The following SYNE1 variants were observed in gnomAD, a reference collection of about 807,000 sequenced individuals.
SYNE1 encodes spectrin repeat containing nuclear envelope protein 1, also known as nesprin-1.
A neutral mutation model predicts 1,111.0 loss-of-function variants in SYNE1; 616 were observed. The observed-to-expected ratio is 0.55, with a 90% CI of 0.52 to 0.59. The LOEUF (loss-of-function observed/expected upper bound fraction) is 0.59. Ranked by LOEUF, SYNE1 falls within the 20% of genes least tolerant of loss-of-function variation. The probability of loss-of-function intolerance (pLI) is 0.00; values close to 1 mark genes in which losing one functional copy is unlikely to be tolerated. For synonymous variants in SYNE1, 3,855 were observed against 3,825.8 expected, an observed-to-expected ratio of 1.01 and a Z score of -0.28; for missense variants, 10,006 against 10,417.0, an observed-to-expected ratio of 0.96 and a Z score of 1.72.
At chr6:152,614,127 T>C (rs1215454094) in intron 3 of SYNE1, among the ~76,000 whole-genome samples, 1 of 152,052 alleles carries the variant, frequency 6.6e-6, no homozygotes, top group Non-Finnish European at 1.5e-5. Context: ...AAAGCCAAAA[T>C]AGACAAATGG....
rs1171123666 is a variant in SYNE1 at position 152,143,780 on chromosome 6, A to G, written c.24977-15T>C. The G allele has an allele frequency of 8.1e-6, 13 of 1,614,208 alleles. No homozygotes were observed. The highest frequency in any genetic ancestry group is 2.2e-5 in the East Asian group (1 of 44,886). ...ACTGTGGTCCCCTGCGGTGGCAACCATAAGAATCTTTACTGGACAAACTAT... is the reference window on the plus strand; with the variant it reads ...ACTGTGGTCCCCTGCGGTGGCAACCGTAAGAATCTTTACTGGACAAACTAT... On this transcript the variant is annotated splice_polypyrimidine_tract_variant and intron_variant, in intron 137 of 145. Transcript: ENST00000367255.
intron 24 of SYNE1, among the ~76,000 whole-genome samples, chr6:152,453,964 A>T (rs1371689969): frequency 6.6e-6 from 1 of 152,208 alleles, no homozygotes. Context: ...TGTGATTTTC[A>T]AATTTGGTAG....
At chr6:152,458,479 T>C (rs1270325038) in intron 22 of SYNE1, among the ~76,000 whole-genome samples, 1 of 152,212 alleles carries the variant, frequency 6.6e-6, no homozygotes, top group African/African-American at 2.4e-5. Context: ...TTTCTAACTT[T>C]GCTCAACTCA....
At chr6:152,444,389 T>C (rs767990243) in intron 30 of SYNE1, 22 bp downstream of exon 30, 1 of 1,612,592 alleles carries the variant, frequency 6.2e-7, no homozygotes. Flanking sequence ...ATAATCTTGT[T>C]GGAAGAAAGA....
chr6:152,225,659 C>T lies in SYNE1; in HGVS notation c.21351+62G>A, dbSNP rs531520025. 2.5e-6 allele frequency: 4 copies of T among 1,608,236 alleles called. No homozygotes were observed. In the African/African-American group the frequency reaches 5.3e-5, roughly 21 times the overall value. On this transcript the variant is annotated intron_variant, in intron 116 of 145. Transcript: ENST00000367255. ...TCTGCTACTTTAGGAAAACCAAAACCCAGAGTTTGGACAGAGCTGGCAAAC... is the reference window on the plus strand; with the variant it reads ...TCTGCTACTTTAGGAAAACCAAAACTCAGAGTTTGGACAGAGCTGGCAAAC...
rs767124352 is a variant in SYNE1, at chr6:152,505,317, C to T, written c.662G>A (p.Arg221Gln). ...TGTCTCCAAGTCCACCAATTCCGGT[C>T]GAATGGCATGAATAACTGAATGAAA... is the stretch of plus-strand genomic sequence containing the variant. Reference protein sequence around the residue: ...VAFHSVIHAIRPELVDLETVK... With the variant: ...VAFHSVIHAIQPELVDLETVK... Residue 221 changes from arginine to glutamine, a missense_variant, in exon 9 of 146, where the codon CGA (arginine) becomes CAA (glutamine). Arg to Gln is a conservative substitution (Grantham distance 43). Coordinates refer to ENST00000367255, the MANE Select transcript of SYNE1 (RefSeq NM_182961.4). 1.7e-5 allele frequency: 28 copies of T among 1,613,928 alleles called. No homozygotes were observed. The highest frequency in any genetic ancestry group is 1.6e-4 in the Middle Eastern group (1 of 6,084).
At position 152,309,876 on chromosome 6, in the gene SYNE1, G is replaced by A. The variant is rs138941941; in HGVS notation, c.17161C>T (p.Arg5721Trp). 23 of 1,614,012 alleles carry A rather than the reference G, an allele frequency of 1.4e-5. No individual in the cohort carries two copies. Among genetic ancestry groups the A allele is most frequent in the African/African-American group, 9.3e-5 (7 of 75,038 alleles). The change falls in exon 90 of 146, where the codon CGG becomes TGG. Residue 5721 changes from arginine (R) to tryptophan (W), a missense_variant. Physicochemically the swap from Arg to Trp is moderately radical, Grantham distance 101. This residue lies in a region of SYNE1 where 4,955 missense variants were observed against 5,017.2 expected (regional missense o/e 0.99). Transcript: ENST00000367255. ...TGCTGGATGGCGGTGTGCTGCAGCC[G>A]GCTGGCCTCTTCCTGCAGCCGCAGA... is the stretch of plus-strand genomic sequence containing the variant. ...AALRLQEEAS[R>W]LQHTAIQQCN...
rs570242828 is a variant in SYNE1 at position 152,455,509 on chromosome 6, C to T, written c.2809G>A (p.Ala937Thr). ...ATCCGCAGTACCTTCTCCAACTCTGCTCGAGACTCCTCAAACTTCTTCATC... is the reference window on the plus strand; with the variant it reads ...ATCCGCAGTACCTTCTCCAACTCTGTTCGAGACTCCTCAAACTTCTTCATC... Reference protein sequence around the residue: ...RLMKKFEESRAELEKVLRIAQ... With the variant: ...RLMKKFEESRTELEKVLRIAQ... The change falls in exon 24 of 146, where the codon GCA (alanine) becomes ACA (threonine). Residue 937 changes from alanine (A) to threonine (T), a missense_variant. This residue lies in a region of SYNE1 where 1,971 missense variants were observed against 2,084.1 expected (regional missense o/e 0.95). Coordinates refer to ENST00000367255, the MANE Select transcript of SYNE1 (RefSeq NM_182961.4). 37 of 1,614,178 alleles carry T rather than the reference C, an allele frequency of 2.3e-5. No homozygotes were observed. The East Asian group carries it at 7.8e-4, about 34-fold the overall frequency.
At chr6:152,459,770 T>A (rs1452314465) in intron 21 of SYNE1, among the ~76,000 whole-genome samples, 1 of 152,204 alleles carries the variant, frequency 6.6e-6, no homozygotes, top group African/African-American at 2.4e-5. Flanking sequence ...TAAGCCATTC[T>A]TTGTTTTTCA....
intron 110 of SYNE1, 115 bp from the exon 111 acceptor site, chr6:152,234,915 A>G (rs2083638540): frequency 8.2e-7 from 1 of 1,216,452 alleles, no homozygotes; most frequent in Non-Finnish European, 1.2e-6. Context: ...GATTTAGAAG[A>G]AAAATGCATG....
Position 152,323,484 on chromosome 6 carries a change from C to T in SYNE1, c.15911G>A (p.Cys5304Tyr). 6.2e-7 allele frequency: 1 copy of T among 1,613,606 alleles called. No individual in the cohort carries two copies. Among genetic ancestry groups the T allele is most frequent in the East Asian group, 2.2e-5 (1 of 44,886 alleles). ...MQEITAMQDR[C>Y]LNMQEKVKTN... is the part of the protein sequence containing the mutation. Reference sequence around the variant, plus strand: ...AAAGTAGGTGCTTAATTACTTCAGGCACCGATCTTGCATGGCGGTGATTTC... The same window carrying T: ...AAAGTAGGTGCTTAATTACTTCAGGTACCGATCTTGCATGGCGGTGATTTC... The change falls in exon 82 of 146, where the codon TGC becomes TAC. Residue 5304 changes from cysteine to tyrosine, a missense_variant. Physicochemically the swap from Cys to Tyr is radical, Grantham distance 194 (BLOSUM62 -2). Transcript: ENST00000367255.
intron 91 of SYNE1, among the ~76,000 whole-genome samples, chr6:152,305,563 C>G (rs750954878): frequency 5.9e-5 from 9 of 151,882 alleles, no homozygotes; most frequent in Non-Finnish European, 1.2e-4. Context: ...CACACCTGGC[C>G]GAAAAATTAT....
At chr6:152,262,217 A>G in intron 100 of SYNE1, 29 bp from the exon 101 acceptor site, 1 of 1,606,454 alleles carries the variant, frequency 6.2e-7, no homozygotes, top group Non-Finnish European at 8.5e-7. Context: ...ATCTAAGTTT[A>G]CAATGTGCAC....
chr6:152,452,842 G>C (rs1304354846), intron 25 of SYNE1, among the ~76,000 whole-genome samples: 5 of 152,130 alleles, frequency 3.3e-5, no homozygotes, highest in African/African-American at 7.2e-5. Context: ...ACGGAAGCCC[G>C]CGGGCCCCCG....
chr6:152,498,152 A>T (rs1310892511), intron 11 of SYNE1, among the ~76,000 whole-genome samples: 1 of 152,232 alleles, frequency 6.6e-6, no homozygotes, highest in Non-Finnish European at 1.5e-5. Context: ...GATGGAACAT[A>T]AAGAAAAACG....
intron 3 of SYNE1, among the ~76,000 whole-genome samples, chr6:152,549,377 T>TA (rs2128119285): frequency 6.6e-6 from 1 of 152,314 alleles, no homozygotes; most frequent in Non-Finnish European, 1.5e-5. Context: ...CTGATTGGCT[T>TA]AAGCCACAGA....
At chr6:152,406,210 G>C (rs993888326) in intron 45 of SYNE1, among the ~76,000 whole-genome samples, 3 of 152,106 alleles carry the variant, frequency 2.0e-5, no homozygotes, top group Non-Finnish European at 4.4e-5. Flanking sequence ...GTGGAAGCCT[G>C]TGACCCTCCA....
intron 73 of SYNE1, among the ~76,000 whole-genome samples, chr6:152,346,805 G>T (rs906516654): frequency 6.6e-6 from 1 of 151,756 alleles, no homozygotes; most frequent in Non-Finnish European, 1.5e-5. Context: ...GTGAGACTCC[G>T]TCTCAAACAA....
intron 39 of SYNE1, among the ~76,000 whole-genome samples, chr6:152,420,625 A>G (rs1033148867): frequency 3.3e-5 from 5 of 152,162 alleles, no homozygotes; most frequent in African/African-American, 1.2e-4. Context: ...GTCTCAAAAG[A>G]AAAAACTTCC....
Sources: gnomAD v4.1 joint callset for allele counts (sites outside exome capture counted in the v4.1 genomes callset) on GRCh38, gnomAD v4.1.1 for gene constraint, gnomAD v4.1.1 regional missense constraint, MANE v1.5 for transcripts, NCBI Gene and HGNC (gene_info 2026-07-23, HGNC 2026-07-21) for gene names.